Variants in FBXL20 observed in about 807,000 individuals in gnomAD.
FBXL20 encodes the protein F-box and leucine rich repeat protein 20.
FBXL20 carries 11 observed loss-of-function variants against 64.0 expected under a neutral mutation model. The ratio of observed to expected loss-of-function variants is 0.17; its 90% CI spans 0.11 to 0.28. The LOEUF is 0.28. Among genes scored for constraint, FBXL20 ranks in the 10% least tolerant of loss-of-function variants. The pLI is 1.00. For synonymous variants in FBXL20, 184 were observed against 189.0 expected (o/e 0.97, Z 0.22); for missense variants, 303 against 526.2 (o/e 0.58, Z 4.15).
intron 1 of FBXL20, among the ~76,000 whole-genome samples, chr17:39,396,149 T>C (rs995445694): frequency 9.2e-5 from 14 of 151,602 alleles, no homozygotes; most frequent in Non-Finnish European, 1.8e-4. Flanking sequence ...AATATTATAG[T>C]GGCTGTTTCA....
At chr17:39,279,766 C>T (rs1228903102) in intron 9 of FBXL20, among the ~76,000 whole-genome samples, 3 of 151,934 alleles carry the variant, frequency 2.0e-5, no homozygotes, top group Non-Finnish European at 4.4e-5. Flanking sequence ...AGTGTGGTGG[C>T]ACATGTCTGT....
intron 11 of FBXL20, among the ~76,000 whole-genome samples, chr17:39,269,462 G>A (rs1397103522): frequency 6.6e-6 from 1 of 151,470 alleles, no homozygotes; most frequent in Non-Finnish European, 1.5e-5. Flanking sequence ...CAAAATGCTG[G>A]GATTACAGGC....
intron 1 of FBXL20, among the ~76,000 whole-genome samples, chr17:39,368,484 C>A (rs1313493632): frequency 1.3e-5 from 2 of 152,116 alleles, no homozygotes; most frequent in African/African-American, 4.8e-5. Flanking sequence ...CTTAAGAGAC[C>A]TTTTCCTACC....
At chr17:39,395,453 C>T (rs1324311038) in intron 1 of FBXL20, among the ~76,000 whole-genome samples, 1 of 151,996 alleles carries the variant, frequency 6.6e-6, no homozygotes, top group East Asian at 1.9e-4. Flanking sequence ...GTAAAAGGAC[C>T]CATGATTATG....
At chr17:39,290,261 G>C (rs1417537171) in intron 6 of FBXL20, among the ~76,000 whole-genome samples, 1 of 151,872 alleles carries the variant, frequency 6.6e-6, no homozygotes, top group Non-Finnish European at 1.5e-5. Flanking sequence ...TTTTTGCAAA[G>C]TAGTCATGTA....
At chr17:39,325,460 A>T (rs8074199) in intron 2 of FBXL20, among the ~76,000 whole-genome samples, 7,836 of 152,298 alleles carry the variant, frequency 0.051, 668 homozygotes, top group African/African-American at 0.18. Flanking sequence ...GGAATGAAAT[A>T]TTAAAAATTA....
chr17:39,264,110 GA>G (rs750932938), intron 14 of FBXL20, 64 bp downstream of exon 14: 127 of 1,494,064 alleles, frequency 8.5e-5, no homozygotes, highest in Middle Eastern at 3.9e-4. Context: ...TTGAAAAAAG[GA>G]AAAAAAAAGA....
chr17:39,344,087 C>G (rs1415748568), intron 1 of FBXL20, among the ~76,000 whole-genome samples: 1 of 152,174 alleles, frequency 6.6e-6, no homozygotes, highest in Non-Finnish European at 1.5e-5. Context: ...TGGTCTTGAA[C>G]TCCTGACCTC....
intron 2 of FBXL20, among the ~76,000 whole-genome samples, chr17:39,328,248 CAAAAAAAAAAAA>C (rs141259755): frequency 4.9e-4 from 27 of 55,108 alleles, no homozygotes; most frequent in South Asian, 2.9e-3. Context: ...AACTCTGCCT[CAAAAAAAAAAAA>C]AAAAAAAAAA....
intron 6 of FBXL20, among the ~76,000 whole-genome samples, chr17:39,285,994 C>A (rs1180298312): frequency 2.6e-5 from 4 of 152,152 alleles, no homozygotes; most frequent in African/African-American, 9.7e-5. Context: ...CTCAAGATAA[C>A]CTTTTGCATA....
At chr17:39,366,859 C>T (rs926408854) in intron 1 of FBXL20, among the ~76,000 whole-genome samples, 1 of 148,580 alleles carries the variant, frequency 6.7e-6, no homozygotes, top group Admixed American at 6.8e-5. Context: ...GCCTCTTGGT[C>T]TGAGGTTATT....
chr17:39,299,922 C>T (rs1364101272), intron 4 of FBXL20, among the ~76,000 whole-genome samples: 1 of 152,096 alleles, frequency 6.6e-6, no homozygotes, highest in African/African-American at 2.4e-5. Context: ...CATGGTGAAA[C>T]CCAATCTCTA....
intron 1 of FBXL20, among the ~76,000 whole-genome samples, chr17:39,373,262 T>C (rs1267334126): frequency 6.6e-6 from 1 of 152,202 alleles, no homozygotes; most frequent in Non-Finnish European, 1.5e-5. Flanking sequence ...GTATAACTTA[T>C]CTTTTAATCT....
intron 10 of FBXL20, among the ~76,000 whole-genome samples, chr17:39,271,870 A>G (rs1236476456): frequency 6.6e-6 from 1 of 152,168 alleles, no homozygotes; most frequent in African/African-American, 2.4e-5. Flanking sequence ...GTAACAAAGA[A>G]CATGTTTGTT....
intron 6 of FBXL20, among the ~76,000 whole-genome samples, chr17:39,288,412 G>A (rs192990780): frequency 7.6e-4 from 116 of 152,220 alleles, no homozygotes; most frequent in Non-Finnish European, 1.4e-3. Context: ...GAGAAGCACT[G>A]TTATTAGATA....
intron 2 of FBXL20, among the ~76,000 whole-genome samples, chr17:39,325,919 G>A (rs1350759975): frequency 6.6e-6 from 1 of 152,164 alleles, no homozygotes; most frequent in Admixed American, 6.6e-5. Flanking sequence ...GTTGAAATGT[G>A]ATCCCCAATG....
Position 39,301,068 on chromosome 17 carries a change from T to C in FBXL20, c.167A>G (p.Asn56Ser). ...CRCAQVSRAW[N>S]VLALDGSNWQ... is the part of the protein sequence containing the mutation. Reference sequence around the variant, plus strand: ...GTTACTGCCATCCAGAGCCAGAACATTCCAGGCCTATTTTAAAGAAAAAGA... The same window carrying C: ...GTTACTGCCATCCAGAGCCAGAACACTCCAGGCCTATTTTAAAGAAAAAGA... Residue 56 changes from asparagine (N) to serine (S), a missense_variant, in exon 4 of 15, where the codon AAT (asparagine) becomes AGT (serine). Around this residue, in one of 3 missense-constraint regions of FBXL20, gnomAD observed 246 missense variants for 422.6 expected, o/e 0.58. Transcript: ENST00000264658. 1 of 1,613,626 alleles carries C rather than the reference T, an allele frequency of 6.2e-7. No individual in the cohort carries two copies. Among genetic ancestry groups the C allele is most frequent in the Non-Finnish European group, 8.5e-7 (1 of 1,179,910 alleles).
intron 2 of FBXL20, among the ~76,000 whole-genome samples, chr17:39,339,422 G>C (rs1387747520): frequency 6.6e-6 from 1 of 152,062 alleles, no homozygotes; most frequent in African/African-American, 2.4e-5. Context: ...AGCTGTGTTT[G>C]CACCACTGCA....
intron 1 of FBXL20, among the ~76,000 whole-genome samples, chr17:39,358,725 CTCAGTAGAA>C (rs1177162062): frequency 6.6e-6 from 1 of 151,554 alleles, no homozygotes; most frequent in Non-Finnish European, 1.5e-5. Context: ...AAAAACACCT[CTCAGTAGAA>C]ACAATAACAA....
Sources: gnomAD v4.1 joint callset for allele counts (sites outside exome capture counted in the v4.1 genomes callset) on GRCh38, gnomAD v4.1.1 for gene constraint, gnomAD v4.1.1 regional missense constraint, MANE v1.5 for transcripts, NCBI Gene and HGNC (gene_info 2026-07-23, HGNC 2026-07-21) for gene names.